FRMD3: variants seen among roughly 807,000 people sequenced by gnomAD.
The protein encoded by FRMD3 is FERM domain-containing protein 3.
A neutral mutation model predicts 70.2 loss-of-function variants in FRMD3; 33 were observed. The observed-to-expected ratio is 0.47, with a 90% CI of 0.36 to 0.63. FRMD3 has a LOEUF of 0.63. FRMD3 is among the 20% of genes least tolerant of loss of function. FRMD3 has a pLI of 0.00. For missense variants in FRMD3, 632 were observed against 711.4 expected (o/e 0.89, Z 1.27); for synonymous variants, 279 against 255.9 (o/e 1.09, Z -0.86).
At chr9:83,447,369 C>T (rs535353732) in intron 1 of FRMD3, among the ~76,000 whole-genome samples, 19 of 152,320 alleles carry the variant, frequency 1.2e-4, no homozygotes, top group African/African-American at 4.3e-4. Flanking sequence ...CCTGCAATGA[C>T]AGCAGGGAAA....
chr9:83,570,363 T>C, the FRMD3 span, among the ~76,000 whole-genome samples: 13 of 152,234 alleles, frequency 8.5e-5, no homozygotes, highest in Admixed American at 1.3e-4. Context: ...ATTCATTACA[T>C]AGAATCACAA....
Position 83,339,980 on chromosome 9 carries a change from A to G in FRMD3, c.472+3210T>C, listed in dbSNP as rs1205189402. 2.6e-5 allele frequency among the ~76,000 whole-genome samples: 4 copies of G among 152,258 alleles called. No individual in the cohort carries two copies. In the South Asian group the frequency reaches 6.2e-4, roughly 24 times the overall value. ...TAAATTTAAACGTTAAATGGTTGTG[A>G]CTAATTTAATTAACCATGGTTAATC... On this transcript the variant is annotated intron_variant, in intron 5 of 13. Coordinates refer to ENST00000304195, the MANE Select transcript of FRMD3 (RefSeq NM_174938.6).
In FRMD3 at chr9:83,507,730, A is replaced by ATC. The variant is rs1239753198; in HGVS notation, c.147+30354_147+30355insGA. Among the ~76,000 whole-genome samples, 520 of 118,916 alleles carry ATC rather than the reference A, an allele frequency of 4.4e-3. 25 individuals are homozygous for ATC. The highest frequency in any genetic ancestry group is 6.8e-3 in the South Asian group (24 of 3,526). The allele number at this position is 118,916 out of a possible 152,430, so 78.0% of individuals were successfully genotyped here. A position where few individuals can be genotyped will look rare whatever the true frequency, so the allele number is the denominator to read the frequency against. On this transcript the variant is annotated intron_variant, in intron 1 of 13. Coordinates refer to ENST00000304195, the MANE Select transcript of FRMD3 (RefSeq NM_174938.6). Reference sequence around the variant, plus strand: ...TATATATATATATATATATATATATATATATATATCTTCTGGAATATTTCC... The same window carrying ATC: ...TATATATATATATATATATATATATATCTATATATATCTTCTGGAATATTTCC...
chr9:83,401,416 G>A (rs556585222), intron 1 of FRMD3, among the ~76,000 whole-genome samples: 1 of 152,316 alleles, frequency 6.6e-6, no homozygotes, highest in East Asian at 1.9e-4. Flanking sequence ...CAGAAATGGG[G>A]AAACTGAGAC....
At chr9:83,438,696 A>G (rs991528967) in intron 1 of FRMD3, among the ~76,000 whole-genome samples, 18 of 152,332 alleles carry the variant, frequency 1.2e-4, no homozygotes, top group African/African-American at 4.1e-4. Flanking sequence ...CACCGCATCC[A>G]GCAAAGAGAA....
In FRMD3 at chr9:83,363,616, C is replaced by T. The variant is rs192231883; in HGVS notation, c.295+9297G>A. On this transcript the variant is annotated intron_variant, in intron 3 of 13. Coordinates refer to ENST00000304195, the MANE Select transcript of FRMD3 (RefSeq NM_174938.6). ...TCGCCCAGGCTGGAGTGCAGTGGCG[C>T]GATCTTGGCTCACTGCAGGCTCCGC... Among the ~76,000 whole-genome samples, 945 of 143,744 alleles carry T rather than the reference C, an allele frequency of 6.6e-3. 11 individuals carry two copies. The highest frequency in any genetic ancestry group is 0.023 in the African/African-American group (874 of 38,744). The allele number at this position is 143,744 out of a possible 152,430, so 94.3% of individuals were successfully genotyped here. A position where few individuals can be genotyped will look rare whatever the true frequency, so the allele number is the denominator to read the frequency against.
chr9:83,301,655 C>G (rs1834934289), intron 10 of FRMD3, among the ~76,000 whole-genome samples: 1 of 152,264 alleles, frequency 6.6e-6, no homozygotes, highest in South Asian at 2.1e-4. Flanking sequence ...CCTGGCCACT[C>G]AGGTGGCTCT....
At chr9:83,323,308 G>A (rs1280439434) in intron 6 of FRMD3, among the ~76,000 whole-genome samples, 1 of 152,146 alleles carries the variant, frequency 6.6e-6, no homozygotes, top group Non-Finnish European at 1.5e-5. Context: ...ATAGGCAATG[G>A]AATACTATAC....
chr9:83,302,183 C>T (rs1834954122), intron 10 of FRMD3, among the ~76,000 whole-genome samples: 1 of 152,144 alleles, frequency 6.6e-6, no homozygotes, highest in Non-Finnish European at 1.5e-5. Context: ...AGATCCCAAA[C>T]CTGGCCGGGC....
intron 3 of FRMD3, among the ~76,000 whole-genome samples, chr9:83,372,680 G>A (rs1825013552): frequency 6.6e-6 from 1 of 151,956 alleles, no homozygotes; most frequent in African/African-American, 2.4e-5. Context: ...CAAATATGAG[G>A]GCAAGATGGG....
intron 1 of FRMD3, among the ~76,000 whole-genome samples, chr9:83,428,409 C>T (rs924086243): frequency 1.3e-5 from 2 of 151,700 alleles, no homozygotes; most frequent in Non-Finnish European, 2.9e-5. Context: ...TAGTAGCATA[C>T]TTTGTAATTG....
chr9:83,438,209 T>C (rs533442627), intron 1 of FRMD3, among the ~76,000 whole-genome samples: 1 of 152,174 alleles, frequency 6.6e-6, no homozygotes, highest in African/African-American at 2.4e-5. Flanking sequence ...AAATATGGGG[T>C]AGTGAAGTGA....
chr9:83,563,107 G>C, the FRMD3 span, among the ~76,000 whole-genome samples: 415 of 152,282 alleles, frequency 2.7e-3, 4 homozygotes, highest in African/African-American at 9.7e-3. Flanking sequence ...TAAAAGCCAG[G>C]TCCTCTGGCA....
chr9:83,467,454 A>G (rs1342937219), intron 1 of FRMD3, among the ~76,000 whole-genome samples: 1 of 152,240 alleles, frequency 6.6e-6, no homozygotes, highest in South Asian at 2.1e-4. Flanking sequence ...CTCCTCTAAG[A>G]TACTGGTCAG....
In FRMD3 at chr9:83,244,918, C is replaced by T. The variant is rs1014844246; in HGVS notation, c.*3000G>A. 9.2e-5 allele frequency: 91 copies of T among 984,946 alleles called. No individual in the cohort carries two copies. The highest frequency in any genetic ancestry group is 1.1e-4 in the Non-Finnish European group (89 of 829,682). 61.0% of individuals were successfully genotyped at this position (984,946 alleles called of 1,614,324 possible). Reference sequence around the variant, plus strand: ...CTTTACCTACATTGTTTTCATGATCCAACTTGCATTAGCACTAAAGGCAAT... The same window carrying T: ...CTTTACCTACATTGTTTTCATGATCTAACTTGCATTAGCACTAAAGGCAAT... On this transcript the variant is annotated 3_prime_UTR_variant, in exon 14 of 14. Coordinates refer to ENST00000304195, the MANE Select transcript of FRMD3 (RefSeq NM_174938.6).
intron 1 of FRMD3, among the ~76,000 whole-genome samples, chr9:83,535,692 C>G (rs1381700049): frequency 6.6e-6 from 1 of 151,996 alleles, no homozygotes; most frequent in Non-Finnish European, 1.5e-5. Flanking sequence ...AATTCTTCTT[C>G]TTCCAATGTG....
intron 1 of FRMD3, among the ~76,000 whole-genome samples, chr9:83,449,608 A>G (rs1389627099): frequency 6.6e-6 from 1 of 152,212 alleles, no homozygotes; most frequent in Non-Finnish European, 1.5e-5. Context: ...CCTTCAGGCC[A>G]CAGATGCACC....
intron 1 of FRMD3, among the ~76,000 whole-genome samples, chr9:83,522,367 A>G (rs894956595): frequency 6.6e-6 from 1 of 152,004 alleles, no homozygotes; most frequent in Non-Finnish European, 1.5e-5. Context: ...AGGCCAGAAC[A>G]GGGGCGTAGA....
At chr9:83,368,240 G>A (rs1251586402) in intron 3 of FRMD3, among the ~76,000 whole-genome samples, 2 of 152,034 alleles carry the variant, frequency 1.3e-5, no homozygotes, top group African/African-American at 4.8e-5. Flanking sequence ...CTATGTTTGT[G>A]GTCATGAAAA....
Sources: gnomAD v4.1 joint callset for allele counts (sites outside exome capture counted in the v4.1 genomes callset) on GRCh38, gnomAD v4.1.1 for gene constraint, MANE v1.5 for transcripts, NCBI Gene and HGNC (gene_info 2026-07-23, HGNC 2026-07-21) for gene names.